Variants in CENPQ observed in about 807,000 individuals in gnomAD.
CENPQ encodes the protein centromere protein Q.
In CENPQ, 27 loss-of-function variants were observed where a neutral mutation model predicts 36.6. The ratio of observed to expected loss-of-function variants is 0.74; its 90% CI spans 0.54 to 1.02. The LOEUF is 1.02. Ranked by LOEUF, CENPQ falls within the 50% of genes least tolerant of loss-of-function variation. CENPQ has a pLI of 0.00. For missense variants in CENPQ, 306 were observed against 301.8 expected, an observed-to-expected ratio of 1.01 and a Z score of -0.10; for synonymous variants, 101 against 101.7, an observed-to-expected ratio of 0.99 and a Z score of 0.04.
At position 49,470,298 on chromosome 6, in the gene CENPQ, T is replaced by C; in HGVS notation, c.102+20T>C. 1 of 1,481,310 alleles carries C rather than the reference T, an allele frequency of 6.8e-7. No individual in the cohort carries two copies. Among genetic ancestry groups the C allele is most frequent in the Non-Finnish European group, 9.4e-7 (1 of 1,068,410 alleles). 91.8% of individuals were successfully genotyped at this position (1,481,310 alleles called of 1,614,324 possible). Reference sequence around the variant, plus strand: ...AATAAGGTAATGAAAATATCAAGTTTCTCATTTAGAAATCTTCAACTGTGG... The same window carrying C: ...AATAAGGTAATGAAAATATCAAGTTCCTCATTTAGAAATCTTCAACTGTGG... On this transcript the variant is annotated intron_variant, in intron 2 of 8. Coordinates refer to ENST00000335783, the MANE Select transcript of CENPQ (RefSeq NM_018132.4).
At chr6:49,475,366 T>C (rs1768260080) in intron 5 of CENPQ, among the ~76,000 whole-genome samples, 1 of 152,120 alleles carries the variant, frequency 6.6e-6, no homozygotes, top group African/African-American at 2.4e-5. Context: ...TTTGACAAAA[T>C]TCAACAACCC....
Position 49,488,385 on chromosome 6 carries a change from T to A in CENPQ, c.511T>A (p.Leu171Ile), listed in dbSNP as rs1768639002. The change falls in exon 7 of 9, where the codon TTA becomes ATA. Residue 171 changes from leucine to isoleucine, a missense_variant. Leu to Ile is a conservative substitution (Grantham distance 5). Coordinates refer to ENST00000335783, the MANE Select transcript of CENPQ (RefSeq NM_018132.4). ...AGATAAAATGGTAGAGACCACAGAG[T>A]TAATGACTGGGAATATTCAGAGCCT... ...EIDKMVETTE[L>I]MTGNIQSLKN... The A allele has an allele frequency of 2.5e-6, 4 of 1,611,712 alleles. No homozygotes were observed. The highest frequency in any genetic ancestry group is 3.4e-6 in the Non-Finnish European group (4 of 1,178,238).
chr6:49,476,950 G>C (rs1768308188), intron 5 of CENPQ, among the ~76,000 whole-genome samples: 2 of 152,218 alleles, frequency 1.3e-5, no homozygotes, highest in South Asian at 4.1e-4. Flanking sequence ...GCAGAAATAG[G>C]AACACTTTTA....
chr6:49,467,521 A>C (rs1269188147), intron 1 of CENPQ, among the ~76,000 whole-genome samples: 1 of 152,208 alleles, frequency 6.6e-6, no homozygotes, highest in Non-Finnish European at 1.5e-5. Flanking sequence ...AATACTAATT[A>C]CTAGAAAATG....
rs756964255 is a variant in CENPQ at position 49,472,047 on chromosome 6, C to T, written c.158-16C>T. The T allele has an allele frequency of 1.9e-6, 3 of 1,602,560 alleles. No individual in the cohort carries two copies. The East Asian group carries it at 6.7e-5, about 36-fold the overall frequency. ...ACATCTAGATTGATCAGAGCCTCTT[C>T]TATTACTAACGACAGGACAAACAAA... On this transcript the variant is annotated splice_polypyrimidine_tract_variant and intron_variant, in intron 3 of 8. Coordinates refer to ENST00000335783, the MANE Select transcript of CENPQ (RefSeq NM_018132.4).
rs768753866 is a variant in CENPQ at position 49,488,459 on chromosome 6, G to T, written c.585G>T (p.Glu195Asp). The change falls in exon 7 of 9, where the codon GAG becomes GAT. Residue 195 changes from glutamate (E) to aspartate (D), a missense_variant. Glu to Asp is a conservative substitution (Grantham distance 45, BLOSUM62 2). Coordinates refer to ENST00000335783, the MANE Select transcript of CENPQ (RefSeq NM_018132.4). ...ILASEVEEEEERVKQMHQINS... is the reference protein window; with the variant it reads ...ILASEVEEEEDRVKQMHQINS... ...CAAGTGAGGTGGAAGAAGAAGAGGA[G>T]AGAGTAAAACAGGTAATTATTTTAA... The T allele has an allele frequency of 1.2e-6, 2 of 1,612,760 alleles. No individual in the cohort carries two copies. The highest frequency in any genetic ancestry group is 2.2e-5 in the South Asian group (2 of 90,906).
At position 49,470,153 on chromosome 6, in the gene CENPQ, T is replaced by TC; in HGVS notation, c.-18-5dup. On this transcript the variant is annotated splice_polypyrimidine_tract_variant and splice_region_variant and intron_variant, in intron 1 of 8. Transcript: ENST00000335783. ...TCATCTTTACAGATTTTTTTTTTTT[T>TC]CGAAGCACTGTGTTTAGATCAAGAT... is the stretch of plus-strand genomic sequence containing the variant. 7.5e-6 allele frequency: 9 copies of TC among 1,193,878 alleles called. No individual in the cohort carries two copies. The highest frequency in any genetic ancestry group is 4.1e-4 in the Middle Eastern group (2 of 4,874). 74.0% of individuals were successfully genotyped at this position (1,193,878 alleles called of 1,614,324 possible). A position where few individuals can be genotyped will look rare whatever the true frequency, so the allele number is the denominator to read the frequency against.
intron 1 of CENPQ, among the ~76,000 whole-genome samples, chr6:49,469,477 G>A (rs1281440558): frequency 6.6e-6 from 1 of 152,010 alleles, no homozygotes; most frequent in African/African-American, 2.4e-5. Flanking sequence ...AATTAGTTTG[G>A]TAATAAAAGA....
Position 49,490,150 on chromosome 6 carries a change from A to G in CENPQ, c.675+1466A>G, listed in dbSNP as rs144922450. Among the ~76,000 whole-genome samples, 513 of 152,338 alleles carry G rather than the reference A, an allele frequency of 3.4e-3. 2 individuals are homozygous for G. Among genetic ancestry groups the G allele is most frequent in the African/African-American group, 0.012 (482 of 41,580 alleles). On this transcript the variant is annotated intron_variant, in intron 8 of 8. Transcript: ENST00000335783. The stretch of plus-strand genomic sequence containing the variant: ...GTCCTAGAGATAGCATCTTCTTCCA[A>G]TAGAATGCTGTTTTATTTACATTGA...
intron 5 of CENPQ, among the ~76,000 whole-genome samples, chr6:49,479,611 G>T (rs551237748): frequency 6.6e-6 from 1 of 152,084 alleles, no homozygotes; most frequent in Non-Finnish European, 1.5e-5. Context: ...ATCCAACCCA[G>T]CAATCCCATT....
Position 49,492,428 on chromosome 6 carries a change from A to T in CENPQ, c.*153A>T. On this transcript the variant is annotated 3_prime_UTR_variant, in exon 9 of 9. Coordinates refer to ENST00000335783, the MANE Select transcript of CENPQ (RefSeq NM_018132.4). ...TAAAATTAGTCTTTGTAGTTCTATC[A>T]TTAGCATCTAATGTAGTTCTGAAGA... 3.0e-6 allele frequency: 2 copies of T among 657,258 alleles called. No homozygotes were observed. The highest frequency in any genetic ancestry group is 2.5e-5 in the South Asian group (1 of 39,232). 40.7% of individuals were successfully genotyped at this position (657,258 alleles called of 1,614,324 possible).
intron 5 of CENPQ, among the ~76,000 whole-genome samples, chr6:49,475,519 A>G (rs1286893470): frequency 1.3e-5 from 2 of 152,190 alleles, no homozygotes; most frequent in Non-Finnish European, 2.9e-5. Flanking sequence ...GGCACAAGAC[A>G]GGGATGCCCT....
rs1227613088 is a variant in CENPQ at position 49,463,400 on chromosome 6, T to TG, written c.-69dup. 6.6e-6 allele frequency: 1 copy of TG among 152,306 alleles called. No homozygotes were observed. The highest frequency in any genetic ancestry group is 1.5e-5 in the Non-Finnish European group (1 of 68,126). 9.4% of individuals were successfully genotyped at this position (152,306 alleles called of 1,614,324 possible). A position where few individuals can be genotyped will look rare whatever the true frequency, so the allele number is the denominator to read the frequency against. Reference sequence around the variant, plus strand: ...CGGGTCTCCTCTGTTTACGAATGTTTGGGCGCGAATTACTCTAAGCGCGGC... The same window carrying TG: ...CGGGTCTCCTCTGTTTACGAATGTTTGGGGCGCGAATTACTCTAAGCGCGGC... On this transcript the variant is annotated 5_prime_UTR_variant, in exon 1 of 9. It removes the in-frame stop codon of an upstream open reading frame in the 5' UTR. Coordinates refer to ENST00000335783, the MANE Select transcript of CENPQ (RefSeq NM_018132.4).
intron 6 of CENPQ, among the ~76,000 whole-genome samples, chr6:49,484,973 T>C (rs1427062694): frequency 1.3e-5 from 2 of 152,230 alleles, no homozygotes; most frequent in African/African-American, 4.8e-5. Flanking sequence ...GATAGTGTGA[T>C]TTTTATGCTA....
chr6:49,472,620 A>AT (rs1768168945), intron 4 of CENPQ, among the ~76,000 whole-genome samples, 170 bp from the exon 5 acceptor site: 1 of 152,064 alleles, frequency 6.6e-6, no homozygotes, highest in Non-Finnish European at 1.5e-5. Flanking sequence ...TATAAGAAGA[A>AT]TTTTTTCATT....
chr6:49,487,454 T>TTAAAAAAAAAAAAAAA lies in CENPQ; in HGVS notation c.478-898_478-897insTAAAAAAAAAAAAAAA, dbSNP rs1554163645. ...GCTGACCCCTGCAGCTACCCTTTCT[T>TTAAAAAAAAAAAAAAA]AAAAAAAAAAAAAAGTCATTTAGAA... is the stretch of plus-strand genomic sequence containing the variant. On this transcript the variant is annotated intron_variant, in intron 6 of 8. Coordinates refer to ENST00000335783, the MANE Select transcript of CENPQ (RefSeq NM_018132.4). 1.8e-4 allele frequency among the ~76,000 whole-genome samples: 17 copies of TTAAAAAAAAAAAAAAA among 93,278 alleles called. No homozygotes were observed. In the Admixed American group the frequency reaches 2.2e-3, roughly 12 times the overall value. The allele number at this position is 93,278 out of a possible 152,430, so 61.2% of individuals were successfully genotyped here. A position where few individuals can be genotyped will look rare whatever the true frequency, so the allele number is the denominator to read the frequency against.
chr6:49,487,298 C>T (rs946766430), intron 6 of CENPQ, among the ~76,000 whole-genome samples: 1 of 150,914 alleles, frequency 6.6e-6, no homozygotes, highest in South Asian at 2.1e-4. Context: ...AACATTTTAG[C>T]CTTTATGGAC....
intron 8 of CENPQ, among the ~76,000 whole-genome samples, chr6:49,489,074 A>G (rs1768659860): frequency 6.6e-6 from 1 of 152,156 alleles, no homozygotes; most frequent in Non-Finnish European, 1.5e-5. Flanking sequence ...TAAGAAGACA[A>G]TGAAATTTGC....
chr6:49,475,316 C>G (rs1199744508), intron 5 of CENPQ, among the ~76,000 whole-genome samples: 1 of 152,088 alleles, frequency 6.6e-6, no homozygotes, highest in Non-Finnish European at 1.5e-5. Flanking sequence ...AAACCAAAAA[C>G]AAAAACCACA....
Sources: gnomAD v4.1 joint callset for allele counts (sites outside exome capture counted in the v4.1 genomes callset) on GRCh38, gnomAD v4.1.1 for gene constraint, MANE v1.5 for transcripts, NCBI Gene and HGNC (gene_info 2026-07-23, HGNC 2026-07-21) for gene names.